Variants in TTC31 observed in about 807,000 individuals in gnomAD.
The protein encoded by TTC31 is tetratricopeptide repeat protein 31.
A neutral mutation model predicts 60.4 loss-of-function variants in TTC31; 59 were observed. The ratio of observed to expected loss-of-function variants is 0.98; its 90% CI spans 0.79 to 1.21. The LOEUF is 1.21. Ranked by LOEUF, TTC31 falls within the 50% of genes most tolerant of loss-of-function variation. TTC31 has a pLI of 0.00. For missense variants in TTC31, 672 were observed against 646.9 expected (o/e 1.04, Z -0.42); for synonymous variants, 225 against 249.6 (o/e 0.90, Z 0.93).
Position 74,489,765 on chromosome 2 carries a change from A to G in TTC31, c.130-260A>G, listed in dbSNP as rs72907242. ...TCAGGTTGAGGAGAGAAGATCCTGG[A>G]TGGTAGAGGAGGCCAGGTTGAATAC... On this transcript the variant is annotated intron_variant, in intron 2 of 12. Coordinates refer to ENST00000233623, the MANE Select transcript of TTC31 (RefSeq NM_022492.6). Among the ~76,000 whole-genome samples the G allele has an allele frequency of 3.9e-3, 588 of 152,156 alleles. 3 individuals are homozygous for G. The highest frequency in any genetic ancestry group is 0.013 in the African/African-American group (530 of 41,500).
Position 74,490,706 on chromosome 2 carries a change from A to G in TTC31, c.513A>G (p.Lys171=), listed in dbSNP as rs374711895. The G allele has an allele frequency of 4.3e-5, 69 of 1,613,802 alleles. No individual in the cohort carries two copies. The African/African-American group carries it at 8.3e-4, about 19-fold the overall frequency. ...EELVAEEERM[K]QKAEKKRLKK... ...TGGTGGCTGAGGAGGAGCGCATGAAACAGAAAGCAGAGAAAAAGCGACTCA... is the reference window on the plus strand; with the variant it reads ...TGGTGGCTGAGGAGGAGCGCATGAAGCAGAAAGCAGAGAAAAAGCGACTCA... The change falls in exon 5 of 13, where the codon AAA becomes AAG. Residue 171 remains lysine, a synonymous_variant. Coordinates refer to ENST00000233623, the MANE Select transcript of TTC31 (RefSeq NM_022492.6).
Position 74,493,213 on chromosome 2 carries a change from A to G in TTC31, c.1555A>G (p.Arg519Gly). 1 of 1,614,134 alleles carries G rather than the reference A, an allele frequency of 6.2e-7. No individual in the cohort carries two copies. The highest frequency in any genetic ancestry group is 8.5e-7 in the Non-Finnish European group (1 of 1,179,990). ...TGGGCTCCAGCATCTGTCTCAGGCC[A>G]GATGAGGGGGCACCGGTCCCTCATA... ...GLGLQHLSQA[R>G] The change falls in exon 13 of 13, where the codon AGA (arginine) becomes GGA (glycine). Residue 519 changes from arginine to glycine, a missense_variant. Coordinates refer to ENST00000233623, the MANE Select transcript of TTC31 (RefSeq NM_022492.6).
At position 74,490,140 on chromosome 2, in the gene TTC31, G is replaced by T. The variant is rs1572959987; in HGVS notation, c.232+13G>T. On this transcript the variant is annotated intron_variant, in intron 3 of 12. Coordinates refer to ENST00000233623, the MANE Select transcript of TTC31 (RefSeq NM_022492.6). ...CTGTGGCACCATGGTGGGGAGTGCAGGGACCGGGCCCAGGGATCGAGGCTG... is the reference window on the plus strand; with the variant it reads ...CTGTGGCACCATGGTGGGGAGTGCATGGACCGGGCCCAGGGATCGAGGCTG... 5 of 1,605,024 alleles carry T rather than the reference G, an allele frequency of 3.1e-6. No individual in the cohort carries two copies. Among genetic ancestry groups the T allele is most frequent in the Admixed American group, 1.7e-5 (1 of 57,998 alleles).
intron 2 of TTC31, among the ~76,000 whole-genome samples, chr2:74,488,782 C>T (rs145348620): frequency 5.6e-4 from 85 of 152,184 alleles, no homozygotes; most frequent in Non-Finnish European, 1.1e-3. Flanking sequence ...AAAAAATAGT[C>T]GGCCGGGCAC....
rs746554068 is a variant in TTC31 at position 74,491,290 on chromosome 2, T to A, written c.604-5T>A. ...CAACTCTGTACCTGTCTATCTTTCT[T>A]CCAGGCCAGCACTACCTCAGATGGA... On this transcript the variant is annotated splice_polypyrimidine_tract_variant and splice_region_variant and intron_variant, in intron 6 of 12. Transcript: ENST00000233623. 26 of 1,613,990 alleles carry A rather than the reference T, an allele frequency of 1.6e-5. No individual in the cohort carries two copies. In the Admixed American group the frequency reaches 2.7e-4, roughly 17 times the overall value.
Position 74,483,389 on chromosome 2 carries a change from T to G in TTC31, c.108T>G (p.Gly36=). 1 of 1,614,072 alleles carries G rather than the reference T, an allele frequency of 6.2e-7. No homozygotes were observed. Among genetic ancestry groups the G allele is most frequent in the South Asian group, 1.1e-5 (1 of 91,076 alleles). ...CACCCAAACTTTGCAAGGAATTCGG[T>G]CCAGAGGATTACGGCGAAGAGGTAA... is the stretch of plus-strand genomic sequence containing the variant. ...AAAPKLCKEF[G]PEDYGEEDIV... The change falls in exon 2 of 13, where the codon GGT becomes GGG. Residue 36 remains glycine, a synonymous_variant. Transcript: ENST00000233623.
At chr2:74,490,966 G>A in intron 5 of TTC31, 162 bp from the exon 6 acceptor site, 1 of 993,254 alleles carries the variant, frequency 1.0e-6, no homozygotes, top group South Asian at 1.6e-5. Context: ...CTTACATGAG[G>A]CCTCTTGCTG....
rs1672740020 is a variant in TTC31, at chr2:74,483,781, A to C, written c.129+371A>C. ...TGCTTGAGCCCAGGAGTTAGAGACC[A>C]GCCTGGGCAACATAGTGAGACCCCA... On this transcript the variant is annotated intron_variant, in intron 2 of 12. Coordinates refer to ENST00000233623, the MANE Select transcript of TTC31 (RefSeq NM_022492.6). The C allele has an allele frequency of 8.6e-6, 3 of 348,972 alleles. No individual in the cohort carries two copies. The East Asian group carries it at 2.3e-4, about 27-fold the overall frequency. The allele number at this position is 348,972 out of a possible 1,614,324, so 21.6% of individuals were successfully genotyped here.
chr2:74,485,396 A>T (rs1236085089), intron 2 of TTC31, among the ~76,000 whole-genome samples: 1 of 150,594 alleles, frequency 6.6e-6, no homozygotes, highest in African/African-American at 2.4e-5. Context: ...CCATTCCCTT[A>T]TATCAAGACT....
chr2:74,490,324 A>T lies in TTC31; in HGVS notation c.313A>T (p.Thr105Ser), dbSNP rs1673694098. 2 of 1,613,972 alleles carry T rather than the reference A, an allele frequency of 1.2e-6. No homozygotes were observed. The highest frequency in any genetic ancestry group is 8.5e-7 in the Non-Finnish European group (1 of 1,179,956). Residue 105 changes from threonine to serine, a missense_variant, in exon 4 of 13, where the codon ACC becomes TCC. Thr to Ser is a moderately conservative substitution (Grantham distance 58). Coordinates refer to ENST00000233623, the MANE Select transcript of TTC31 (RefSeq NM_022492.6). ...GGGCAAGGGGGCTGAGGGACTGGGC[A>T]CCTACTGTGGTCTCCGCAAGTCCTT... ...DRGKGAEGLG[T>S]YCGLRKSFLY... is the part of the protein sequence containing the mutation.
At chr2:74,490,194 C>T in intron 3 of TTC31, 50 bp from the exon 4 acceptor site, 1 of 1,609,930 alleles carries the variant, frequency 6.2e-7, no homozygotes, top group Non-Finnish European at 8.5e-7. Flanking sequence ...CCCTCAGATG[C>T]ACCCCGCTCT....
chr2:74,488,510 C>T (rs1673417414), intron 2 of TTC31, among the ~76,000 whole-genome samples: 2 of 152,206 alleles, frequency 1.3e-5, no homozygotes, highest in Admixed American at 6.5e-5. Context: ...AAATGACTCC[C>T]ATCAGGACCA....
At chr2:74,490,538 C>T (rs1353503382) in intron 4 of TTC31, 65 bp downstream of exon 4, 4 of 1,530,990 alleles carry the variant, frequency 2.6e-6, no homozygotes, top group Non-Finnish European at 3.5e-6. Context: ...ATCCCCATCC[C>T]TATATTCTCC....
chr2:74,483,391 C>T lies in TTC31; in HGVS notation c.110C>T (p.Pro37Leu), dbSNP rs1672675518. 6.2e-7 allele frequency: 1 copy of T among 1,614,096 alleles called. No homozygotes were observed. Among genetic ancestry groups the T allele is most frequent in the Admixed American group, 1.7e-5 (1 of 59,998 alleles). Residue 37 changes from proline to leucine, a missense_variant, in exon 2 of 13, where the codon CCA becomes CTA. Transcript: ENST00000233623. ...AAPKLCKEFG[P>L]EDYGEEDIVD... ...CCCAAACTTTGCAAGGAATTCGGTC[C>T]AGAGGATTACGGCGAAGAGGTAAAA...
intron 2 of TTC31, among the ~76,000 whole-genome samples, chr2:74,484,750 C>T (rs1053777664): frequency 5.3e-5 from 8 of 152,102 alleles, no homozygotes; most frequent in Non-Finnish European, 7.4e-5. Flanking sequence ...AGCCACCATG[C>T]CCGGTAGACA....
chr2:74,493,030 C>G lies in TTC31; in HGVS notation c.1372C>G (p.Arg458Gly). ...PSGLPSLRCPRSTALRSPGLS... is the reference protein window; with the variant it reads ...PSGLPSLRCPGSTALRSPGLS... ...AGGCCTACCTTCCCTCAGGTGCCCT[C>G]GAAGCACTGCTTTGAGGTCCCCTGG... The change falls in exon 13 of 13, where the codon CGA (arginine) becomes GGA (glycine). Residue 458 changes from arginine (R) to glycine (G), a missense_variant. Physicochemically the swap from Arg to Gly is moderately radical, Grantham distance 125. Transcript: ENST00000233623. 6.2e-7 allele frequency: 1 copy of G among 1,614,146 alleles called. No individual in the cohort carries two copies. The highest frequency in any genetic ancestry group is 8.5e-7 in the Non-Finnish European group (1 of 1,179,998).
intron 2 of TTC31, among the ~76,000 whole-genome samples, chr2:74,484,724 TG>T (rs1382352190): frequency 6.6e-6 from 1 of 152,178 alleles, no homozygotes; most frequent in Non-Finnish European, 1.5e-5. Flanking sequence ...CCCAGAGTGC[TG>T]GGATTGCAGG....
intron 2 of TTC31, among the ~76,000 whole-genome samples, chr2:74,486,143 A>G (rs1673084393): frequency 2.0e-5 from 3 of 151,744 alleles, no homozygotes; most frequent in African/African-American, 2.4e-5. Context: ...GTGGGCGCCT[A>G]TAGTCCCAGC....
At chr2:74,485,939 C>G (rs895618108) in intron 2 of TTC31, among the ~76,000 whole-genome samples, 1 of 151,926 alleles carries the variant, frequency 6.6e-6, no homozygotes. Context: ...TTTCATTCCC[C>G]AGATCAAGTC....
Sources: gnomAD v4.1 joint callset for allele counts (sites outside exome capture counted in the v4.1 genomes callset) on GRCh38, gnomAD v4.1.1 for gene constraint, MANE v1.5 for transcripts, NCBI Gene and HGNC (gene_info 2026-07-23, HGNC 2026-07-21) for gene names.